PALLD: variants seen among roughly 807,000 people sequenced by gnomAD.
PALLD encodes the protein palladin.
A neutral mutation model predicts 123.5 loss-of-function variants in PALLD; 61 were observed. The ratio of observed to expected loss-of-function variants is 0.49; its 90% CI spans 0.40 to 0.61. The LOEUF is 0.61. Ranked by LOEUF, PALLD falls within the 20% of genes least tolerant of loss-of-function variation. The pLI, the probability that PALLD is intolerant of heterozygous loss-of-function variation, is 0.00. For synonymous variants in PALLD, 465 were observed against 496.4 expected, an observed-to-expected ratio of 0.94 and a Z score of 0.84; for missense variants, 1,273 against 1,377.0, an observed-to-expected ratio of 0.92 and a Z score of 1.20.
chr4:168,506,029 A>T (rs1050258452), intron 1 of PALLD: 3 of 152,166 alleles, frequency 2.0e-5, no homozygotes, highest in African/African-American at 7.2e-5. Context: ...AAGGCCACCT[A>T]TTCCTTGACC....
At chr4:168,591,727 TAGTGTAA>T (rs1771455104) in intron 2 of PALLD, among the ~76,000 whole-genome samples, 1 of 152,214 alleles carries the variant, frequency 6.6e-6, no homozygotes, top group African/African-American at 2.4e-5. Context: ...TTATGATTTT[TAGTGTAA>T]AATTCCTGGC....
rs888513189 is a variant in PALLD, at chr4:168,878,004, A to G, written c.1965-12918A>G. On this transcript the variant is annotated intron_variant, in intron 10 of 21. Transcript: ENST00000505667. ...CAGAACCTCGGGCCCGCGTCGGGCC[A>G]CGGCACGCCGGCCTCCAGCCCCAGC... 18 of 1,497,594 alleles carry G rather than the reference A, an allele frequency of 1.2e-5. No individual in the cohort carries two copies. Among genetic ancestry groups the G allele is most frequent in the Non-Finnish European group, 1.5e-5 (17 of 1,129,390 alleles). 92.8% of individuals were successfully genotyped at this position (1,497,594 alleles called of 1,614,324 possible). A position where few individuals can be genotyped will look rare whatever the true frequency, so the allele number is the denominator to read the frequency against.
chr4:168,810,469 A>G (rs1581588581), intron 10 of PALLD, among the ~76,000 whole-genome samples: 3 of 152,240 alleles, frequency 2.0e-5, no homozygotes, highest in South Asian at 2.1e-4. Context: ...AGCCTGGCCA[A>G]CATGGTGAAA....
At chr4:168,850,439 T>TTGAAAAGCC (rs1747575831) in intron 10 of PALLD, among the ~76,000 whole-genome samples, 2 of 151,840 alleles carry the variant, frequency 1.3e-5, no homozygotes, top group Non-Finnish European at 2.9e-5. Context: ...GCAAACCTGT[T>TTGAAAAGCC]TGAAAAGCCT....
chr4:168,556,719 C>T (rs1404476711), intron 2 of PALLD, among the ~76,000 whole-genome samples: 1 of 152,106 alleles, frequency 6.6e-6, no homozygotes, highest in Non-Finnish European at 1.5e-5. Flanking sequence ...TCAAACCAGC[C>T]TAACAAAAAA....
chr4:168,672,972 G>A (rs954330459), intron 3 of PALLD, among the ~76,000 whole-genome samples: 2 of 152,218 alleles, frequency 1.3e-5, no homozygotes, highest in East Asian at 3.9e-4. Context: ...CTACCCTACA[G>A]CATAAAATCC....
At chr4:168,800,874 A>G (rs1395556017) in intron 10 of PALLD, among the ~76,000 whole-genome samples, 1 of 152,236 alleles carries the variant, frequency 6.6e-6, no homozygotes, top group Non-Finnish European at 1.5e-5. Context: ...GTCCATCAAC[A>G]GTAGAACAAG....
intron 10 of PALLD, among the ~76,000 whole-genome samples, chr4:168,874,400 A>G (rs558898223): frequency 6.6e-6 from 1 of 152,274 alleles, no homozygotes; most frequent in East Asian, 1.9e-4. Flanking sequence ...CCATCCAACC[A>G]TCTGTAAAAT....
At chr4:168,650,929 G>T (rs1184063751) in intron 2 of PALLD, among the ~76,000 whole-genome samples, 2 of 151,792 alleles carry the variant, frequency 1.3e-5, no homozygotes, top group South Asian at 4.2e-4. Context: ...GATATTATTT[G>T]CTAAATACAT....
At chr4:168,848,778 A>G (rs1463943161) in intron 10 of PALLD, among the ~76,000 whole-genome samples, 1 of 152,232 alleles carries the variant, frequency 6.6e-6, no homozygotes, top group East Asian at 1.9e-4. Context: ...CATAAGATGC[A>G]GCTTTGTAAG....
rs398064261 is a variant in PALLD at position 168,928,326 on chromosome 4, TAA to T, written c.*2155_*2156del. 1.3e-3 allele frequency: 225 copies of T among 179,460 alleles called. 1 individual carries two copies. The highest frequency in any genetic ancestry group is 2.1e-3 in the Middle Eastern group (1 of 466). 11.1% of individuals were successfully genotyped at this position (179,460 alleles called of 1,614,324 possible). On this transcript the variant is annotated 3_prime_UTR_variant, in exon 22 of 22. Transcript: ENST00000505667. ...TTTTGCCACCTTTATATTGTATTTA[TAA>T]AAAAAAAAGTACTATCAATCAATCA...
chr4:168,643,819 T>G (rs1459832046), intron 2 of PALLD, among the ~76,000 whole-genome samples: 1 of 152,196 alleles, frequency 6.6e-6, no homozygotes, highest in East Asian at 1.9e-4. Flanking sequence ...ATGTTTTTTC[T>G]CCTTTAATAA....
chr4:168,913,979 G>T lies in PALLD; in HGVS notation c.2675G>T (p.Gly892Val). 6.2e-7 allele frequency: 1 copy of T among 1,613,328 alleles called. No homozygotes were observed. The highest frequency in any genetic ancestry group is 8.5e-7 in the Non-Finnish European group (1 of 1,179,278). The change falls in exon 16 of 22, where the codon GGT (glycine) becomes GTT (valine). Residue 892 changes from glycine (G) to valine (V), a missense_variant. Transcript: ENST00000505667. ...ATGGTACAGGCTGTCAACCAAAGAG[G>T]TCGAAGTCCCCGGTCTCCCTCAGGC... ...RLMVQAVNQR[G>V]RSPRSPSGHP...
intron 2 of PALLD, among the ~76,000 whole-genome samples, chr4:168,557,270 G>C (rs1220458801): frequency 6.6e-6 from 1 of 151,942 alleles, no homozygotes; most frequent in African/African-American, 2.4e-5. Context: ...TCTCAAACTC[G>C]TGACCTCAGG....
chr4:168,834,313 C>T (rs1744792040), intron 10 of PALLD, among the ~76,000 whole-genome samples: 1 of 152,052 alleles, frequency 6.6e-6, no homozygotes, highest in Non-Finnish European at 1.5e-5. Context: ...AACGACAGGC[C>T]CAGTCTGTCC....
chr4:168,813,422 C>T (rs9991545), intron 10 of PALLD, among the ~76,000 whole-genome samples: 1 of 152,098 alleles, frequency 6.6e-6, no homozygotes, highest in Non-Finnish European at 1.5e-5. Flanking sequence ...ACAACAACAA[C>T]AACAACAAAA....
intron 9 of PALLD, among the ~76,000 whole-genome samples, chr4:168,710,150 A>T (rs1784695750): frequency 6.6e-6 from 1 of 152,262 alleles, no homozygotes; most frequent in Non-Finnish European, 1.5e-5. Context: ...TATCAATGAT[A>T]GTATATAACT....
At chr4:168,571,887 T>C (rs1288881405) in intron 2 of PALLD, among the ~76,000 whole-genome samples, 2 of 152,138 alleles carry the variant, frequency 1.3e-5, no homozygotes, top group Non-Finnish European at 2.9e-5. Flanking sequence ...AGCATTTTTG[T>C]TTATAAGAAT....
chr4:168,557,434 A>G (rs1366042640), intron 2 of PALLD, among the ~76,000 whole-genome samples: 1 of 152,190 alleles, frequency 6.6e-6, no homozygotes, highest in East Asian at 1.9e-4. Context: ...CAAGCAACGG[A>G]TCCCTATTGT....
Sources: allele counts gnomAD v4.1 joint callset (sites outside exome capture counted in the v4.1 genomes callset), GRCh38; gene constraint gnomAD v4.1.1; transcripts MANE v1.5; gene names NCBI Gene and HGNC (gene_info 2026-07-23, HGNC 2026-07-21).